The following INSR variants were observed in gnomAD, a reference collection of about 807,000 sequenced individuals.
The protein encoded by INSR is insulin receptor, also known as IR.
Under a neutral mutation model 142.6 loss-of-function variants are expected in INSR, and 67 were observed. The ratio of observed to expected loss-of-function variants is 0.47; its 90% CI spans 0.39 to 0.58. INSR has a LOEUF of 0.58. INSR is among the 20% of genes least tolerant of loss of function. The pLI, the probability that INSR is intolerant of heterozygous loss-of-function variation, is 0.00. For synonymous variants in INSR, 756 were observed against 743.1 expected, an observed-to-expected ratio of 1.02 and a Z score of -0.28; for missense variants, 1,248 against 1,833.2, an observed-to-expected ratio of 0.68 and a Z score of 5.83.
rs267605758 is a variant in INSR, at chr19:7,163,124, G to A, written c.1937C>T (p.Ser646Phe). Residue 646 changes from serine (S) to phenylalanine (F), a missense_variant, in exon 9 of 22, where the codon TCC becomes TTC. Transcript: ENST00000302850. ...SQIILKWKPPSDPNGNITHYL... is the reference protein window; with the variant it reads ...SQIILKWKPPFDPNGNITHYL... ...GTGGGTGATGTTGCCATTGGGGTCGGAGGGTGGTTTCCACTTCAGAATAAT... is the reference window on the plus strand; with the variant it reads ...GTGGGTGATGTTGCCATTGGGGTCGAAGGGTGGTTTCCACTTCAGAATAAT... 3 of 1,614,106 alleles carry A rather than the reference G, an allele frequency of 1.9e-6. No homozygotes were observed. The highest frequency in any genetic ancestry group is 1.7e-6 in the Non-Finnish European group (2 of 1,180,006).
At chr19:7,204,796 T>C (rs1043025433) in intron 2 of INSR, among the ~76,000 whole-genome samples, 2 of 152,130 alleles carry the variant, frequency 1.3e-5, no homozygotes, top group Non-Finnish European at 2.9e-5. Flanking sequence ...GAAAGATGGG[T>C]AGAGCCGGGC....
intron 2 of INSR, among the ~76,000 whole-genome samples, chr19:7,201,396 G>A (rs1025995471): frequency 4.0e-5 from 6 of 151,872 alleles, no homozygotes; most frequent in African/African-American, 7.3e-5. Flanking sequence ...AGGCCGAGGC[G>A]GGTGTATCAC....
rs552711072 is a variant in INSR at position 7,142,432 on chromosome 19, T to C, written c.2542+384A>G. Among the ~76,000 whole-genome samples the C allele has an allele frequency of 1.3e-3, 192 of 142,818 alleles. 2 individuals carry two copies. The highest frequency in any genetic ancestry group is 1.4e-3 in the Non-Finnish European group (96 of 66,426). 93.7% of individuals were successfully genotyped at this position (142,818 alleles called of 152,430 possible). A position where few individuals can be genotyped will look rare whatever the true frequency, so the allele number is the denominator to read the frequency against. On this transcript the variant is annotated intron_variant, in intron 12 of 21. Transcript: ENST00000302850. ...AAAAAAAGGCCAGGTTCGGTGCTCA[T>C]GCCTGTAATCCCAGCACTTTGAGAG...
chr19:7,163,222 G>C, intron 8 of INSR, 23 bp from the exon 9 acceptor site: 1 of 1,600,638 alleles, frequency 6.2e-7, no homozygotes, highest in Non-Finnish European at 8.6e-7. Context: ...AAGGAAATGG[G>C]TCCATCATGA....
intron 1 of INSR, among the ~76,000 whole-genome samples, chr19:7,273,572 G>T (rs1199439029): frequency 6.6e-6 from 1 of 150,998 alleles, no homozygotes; most frequent in Non-Finnish European, 1.5e-5. Flanking sequence ...AGGCTGGAGT[G>T]CAGTGGCATG....
rs139987401 is a variant in INSR, at chr19:7,191,707, TA to T, written c.653-7071del. Among the ~76,000 whole-genome samples, 1,310 of 152,100 alleles carry T rather than the reference TA, an allele frequency of 8.6e-3. 10 individuals are homozygous for T. The highest frequency in any genetic ancestry group is 0.03 in the African/African-American group (1,240 of 41,486). ...GTGATGGTGCACACCCGTAAACCAA[TA>T]GTCCCAGCTACTCGGGAGACTGAGG... On this transcript the variant is annotated intron_variant, in intron 2 of 21. Coordinates refer to ENST00000302850, the MANE Select transcript of INSR (RefSeq NM_000208.4).
At chr19:7,136,834 T>C (rs796980823) in intron 13 of INSR, among the ~76,000 whole-genome samples, 3 of 143,480 alleles carry the variant, frequency 2.1e-5, no homozygotes, top group Non-Finnish European at 4.5e-5. Flanking sequence ...TTTACATATA[T>C]ATATATATAT....
intron 1 of INSR, among the ~76,000 whole-genome samples, chr19:7,277,918 C>T (rs1193333762): frequency 1.3e-5 from 2 of 151,770 alleles, no homozygotes; most frequent in African/African-American, 4.8e-5. Flanking sequence ...ATGGTGAAAC[C>T]CCGTCTCTAC....
chr19:7,232,603 G>C (rs1976015727), intron 2 of INSR, among the ~76,000 whole-genome samples: 1 of 152,118 alleles, frequency 6.6e-6, no homozygotes, highest in African/African-American at 2.4e-5. Context: ...GAGGTCAGGA[G>C]ATCGAGACCA....
rs930609747 is a variant in INSR, at chr19:7,143,058, A to G, written c.2300T>C (p.Val767Ala). 6.2e-7 allele frequency: 1 copy of G among 1,614,110 alleles called. No homozygotes were observed. The highest frequency in any genetic ancestry group is 8.5e-7 in the Non-Finnish European group (1 of 1,180,052). Residue 767 changes from valine to alanine, a missense_variant, in exon 12 of 22, where the codon GTT becomes GCT. Physicochemically the swap from Val to Ala is moderately conservative, Grantham distance 64 (BLOSUM62 0). Coordinates refer to ENST00000302850, the MANE Select transcript of INSR (RefSeq NM_000208.4). ...GGGCACGGCCACCGTCACATTCCCAACATCGCCAAGGGACCTGCGTTTCCG... is the reference window on the plus strand; with the variant it reads ...GGGCACGGCCACCGTCACATTCCCAGCATCGCCAAGGGACCTGCGTTTCCG... ...PSRKRRSLGD[V>A]GNVTVAVPTV...
chr19:7,116,773 G>C lies in INSR; in HGVS notation c.*283C>G, dbSNP rs917475393. On this transcript the variant is annotated 3_prime_UTR_variant, in exon 22 of 22. Coordinates refer to ENST00000302850, the MANE Select transcript of INSR (RefSeq NM_000208.4). ...TCCATCTGCTGGGGGCGGGTGGGGG[G>C]AACGAAAAAACACAAAATCCTGGTT... The C allele has an allele frequency of 9.0e-6, 3 of 332,356 alleles. No homozygotes were observed. The highest frequency in any genetic ancestry group is 2.2e-5 in the African/African-American group (1 of 46,322). 20.6% of individuals were successfully genotyped at this position (332,356 alleles called of 1,614,324 possible). A position where few individuals can be genotyped will look rare whatever the true frequency, so the allele number is the denominator to read the frequency against.
At chr19:7,266,964 A>C (rs550538133) in intron 2 of INSR, among the ~76,000 whole-genome samples, 5 of 152,268 alleles carry the variant, frequency 3.3e-5, no homozygotes, top group African/African-American at 1.2e-4. Flanking sequence ...CTCCCAAGCA[A>C]GAAGAACATT....
intron 13 of INSR, among the ~76,000 whole-genome samples, chr19:7,135,355 A>C (rs1402149488): frequency 1.9e-5 from 2 of 107,492 alleles, no homozygotes; most frequent in Admixed American, 2.8e-4. Flanking sequence ...CGCTCTTGTC[A>C]CCCAGGCTGG....
At chr19:7,246,458 C>T (rs910073343) in intron 2 of INSR, among the ~76,000 whole-genome samples, 1 of 152,200 alleles carries the variant, frequency 6.6e-6, no homozygotes, top group Non-Finnish European at 1.5e-5. Flanking sequence ...CATGCTAGAC[C>T]ATCCAGCTAC....
rs1189787297 is a variant in INSR, at chr19:7,221,811, A to G, written c.653-37174T>C. On this transcript the variant is annotated intron_variant, in intron 2 of 21. Coordinates refer to ENST00000302850, the MANE Select transcript of INSR (RefSeq NM_000208.4). ...CCTTTCTAGCTATGTCCCCTTCTCT[A>G]GGCAATTCAGCTACTCCAGGCCCCC... Among the ~76,000 whole-genome samples the G allele has an allele frequency of 8.6e-5, 13 of 152,020 alleles. No homozygotes were observed. The South Asian group carries it at 2.5e-3, about 29-fold the overall frequency.
At chr19:7,213,467 C>T (rs1364155958) in intron 2 of INSR, among the ~76,000 whole-genome samples, 1 of 152,062 alleles carries the variant, frequency 6.6e-6, no homozygotes, top group Non-Finnish European at 1.5e-5. Context: ...CCAAGGAATG[C>T]TCAAGATAAA....
chr19:7,258,318 G>A (rs983181763), intron 2 of INSR, among the ~76,000 whole-genome samples: 1 of 152,110 alleles, frequency 6.6e-6, no homozygotes, highest in Non-Finnish European at 1.5e-5. Flanking sequence ...GCCTGCCTGT[G>A]GTTCCAGCTA....
chr19:7,170,490 A>C, intron 6 of INSR, 47 bp downstream of exon 6: 3 of 1,453,524 alleles, frequency 2.1e-6, no homozygotes, highest in South Asian at 1.1e-5. Flanking sequence ...ACCATCTTCC[A>C]CTACACCGGT....
intron 2 of INSR, among the ~76,000 whole-genome samples, chr19:7,229,196 A>AATGGATGG (rs57179051): frequency 0.73 from 104,833 of 144,308 alleles, 38,324 homozygotes; most frequent in South Asian, 0.82. Context: ...TGAGTGGATG[A>AATGGATGG]ATGGATGGAT....
Sources: allele counts gnomAD v4.1 joint callset (sites outside exome capture counted in the v4.1 genomes callset), GRCh38; gene constraint gnomAD v4.1.1; transcripts MANE v1.5; gene names NCBI Gene and HGNC (gene_info 2026-07-23, HGNC 2026-07-21).